OR2C1: variants seen among roughly 807,000 people sequenced by gnomAD.
OR2C1 encodes olfactory receptor 2C1.
For synonymous variants in OR2C1, 209 were observed against 167.3 expected, an observed-to-expected ratio of 1.25 and a Z score of -1.92; for missense variants, 468 against 388.3, an observed-to-expected ratio of 1.21 and a Z score of -1.73.
At chr16:3,336,120 A>G in the OR2C1 span, among the ~76,000 whole-genome samples, 1 of 152,166 alleles carries the variant, frequency 6.6e-6, no homozygotes, top group Non-Finnish European at 1.5e-5. Flanking sequence ...GAGAGTTTTT[A>G]TCATAAAGAG....
chr16:3,341,115 T>C, the OR2C1 span, among the ~76,000 whole-genome samples: 1 of 152,158 alleles, frequency 6.6e-6, no homozygotes, highest in African/African-American at 2.4e-5. Context: ...TTATTTATGT[T>C]TTTCTTTCAG....
chr16:3,344,840 T>A, the OR2C1 span, among the ~76,000 whole-genome samples: 1 of 152,098 alleles, frequency 6.6e-6, no homozygotes, highest in African/African-American at 2.4e-5. Flanking sequence ...TTTGGGACAG[T>A]CTGTTGGTGC....
chr16:3,349,578 CAAAG>C, the OR2C1 span, among the ~76,000 whole-genome samples: 5 of 152,186 alleles, frequency 3.3e-5, no homozygotes, highest in South Asian at 1.0e-3. Context: ...GGGGGAATCT[CAAAG>C]CCAAAGGTAC....
chr16:3,330,882 C>A, the OR2C1 span, among the ~76,000 whole-genome samples: 1 of 152,078 alleles, frequency 6.6e-6, no homozygotes, highest in African/African-American at 2.4e-5. Flanking sequence ...GCTAGGACTA[C>A]AGGTGTGCAC....
At chr16:3,346,779 G>A in the OR2C1 span, among the ~76,000 whole-genome samples, 5 of 150,836 alleles carry the variant, frequency 3.3e-5, no homozygotes, top group Non-Finnish European at 5.9e-5. Flanking sequence ...ACAGACACCC[G>A]CCACCACGCT....
chr16:3,326,219 G>A, the OR2C1 span, among the ~76,000 whole-genome samples: 71 of 152,094 alleles, frequency 4.7e-4, 1 homozygote, highest in Middle Eastern at 3.4e-3. Flanking sequence ...GTGAGCCACC[G>A]TGCCTGGCTC....
chr16:3,340,487 C>G, the OR2C1 span, among the ~76,000 whole-genome samples: 95 of 152,066 alleles, frequency 6.2e-4, no homozygotes, highest in African/African-American at 2.3e-3. Context: ...TTTATGTATT[C>G]TTTATTTGGT....
the OR2C1 span, among the ~76,000 whole-genome samples, chr16:3,339,658 G>A: frequency 3.3e-5 from 5 of 151,840 alleles, no homozygotes; most frequent in African/African-American, 4.8e-5. Flanking sequence ...GGGTTTCACC[G>A]CTTTAGCCAG....
chr16:3,351,254 G>A, upstream of OR2C1, among the ~76,000 whole-genome samples: 1 of 127,010 alleles, frequency 7.9e-6, no homozygotes, highest in East Asian at 2.3e-4. Flanking sequence ...TTGAGACAGA[G>A]TTTTGCTCTG....
At chr16:3,324,866 C>T in the OR2C1 span, among the ~76,000 whole-genome samples, 1 of 152,176 alleles carries the variant, frequency 6.6e-6, no homozygotes, top group Non-Finnish European at 1.5e-5. Context: ...CATGCAATAA[C>T]ATGAATATCA....
At chr16:3,336,708 C>CTTTTTTTTTTTTTTTT in the OR2C1 span, among the ~76,000 whole-genome samples, 5 of 93,766 alleles carry the variant, frequency 5.3e-5, no homozygotes, top group South Asian at 4.3e-4. Flanking sequence ...TTCTTTCTTT[C>CTTTTTTTTTTTTTTTT]TTTCTTTTTT....
At chr16:3,334,056 T>C in the OR2C1 span, among the ~76,000 whole-genome samples, 2 of 152,076 alleles carry the variant, frequency 1.3e-5, no homozygotes, top group African/African-American at 2.4e-5. Context: ...CACTGCAACC[T>C]TCTCCTCCTG....
the OR2C1 span, among the ~76,000 whole-genome samples, chr16:3,328,776 G>C: frequency 6.6e-6 from 1 of 152,140 alleles, no homozygotes; most frequent in Non-Finnish European, 1.5e-5. Flanking sequence ...AAACAGGGTT[G>C]ACAAATAGGA....
upstream of OR2C1, among the ~76,000 whole-genome samples, chr16:3,350,954 T>C (rs2030563125): frequency 6.7e-6 from 1 of 149,652 alleles, no homozygotes; most frequent in African/African-American, 2.5e-5. Context: ...GGCGGGAGGA[T>C]TGCTTCAGCC....
chr16:3,356,341 C>A lies in OR2C1; in HGVS notation c.401C>A (p.Ala134Asp). Residue 134 changes from alanine (A) to aspartate (D), a missense_variant, in exon 1 of 1, where the codon GCC (alanine) becomes GAC (aspartate). Transcript: ENST00000304936. ...GTGTGCCGGCCCCTCCGCTACACCGCCATCATGAACCCCCAGCTCTGCTGG... is the reference window on the plus strand; with the variant it reads ...GTGTGCCGGCCCCTCCGCTACACCGACATCATGAACCCCCAGCTCTGCTGG... ...VAVCRPLRYTAIMNPQLCWLL... is the reference protein window; with the variant it reads ...VAVCRPLRYTDIMNPQLCWLL... The A allele has an allele frequency of 6.2e-7, 1 of 1,613,454 alleles. No homozygotes were observed. The highest frequency in any genetic ancestry group is 2.2e-5 in the East Asian group (1 of 44,884).
At chr16:3,341,495 G>A in the OR2C1 span, among the ~76,000 whole-genome samples, 1 of 152,076 alleles carries the variant, frequency 6.6e-6, no homozygotes, top group African/African-American at 2.4e-5. Context: ...GGTAAAAGTG[G>A]TTTCCTTCTT....
the OR2C1 span, among the ~76,000 whole-genome samples, chr16:3,326,262 C>T: frequency 1.3e-4 from 19 of 151,976 alleles, no homozygotes; most frequent in Admixed American, 2.6e-4. Context: ...CCTGGGACGC[C>T]GAGAACAAAC....
At chr16:3,339,485 C>A in the OR2C1 span, among the ~76,000 whole-genome samples, 3 of 152,080 alleles carry the variant, frequency 2.0e-5, no homozygotes, top group African/African-American at 7.2e-5. Flanking sequence ...GAGATGGAGT[C>A]TTGCTCTGTC....
chr16:3,339,105 A>G, the OR2C1 span, among the ~76,000 whole-genome samples: 7 of 152,172 alleles, frequency 4.6e-5, no homozygotes, highest in South Asian at 1.4e-3. Context: ...ATGGAATTAC[A>G]CAATATGTGA....
Sources: allele counts gnomAD v4.1 joint callset (sites outside exome capture counted in the v4.1 genomes callset), GRCh38; gene constraint gnomAD v4.1.1; transcripts MANE v1.5; gene names NCBI Gene and HGNC (gene_info 2026-07-23, HGNC 2026-07-21).